HERC3: variants seen among roughly 807,000 people sequenced by gnomAD.
The protein encoded by HERC3 is HECT and RLD domain containing E3 ubiquitin protein ligase 3, also known as probable E3 ubiquitin-protein ligase HERC3.
A neutral mutation model predicts 129.9 loss-of-function variants in HERC3; 58 were observed. That is an observed-to-expected ratio of 0.45 (90% CI 0.36 to 0.56). The LOEUF (loss-of-function observed/expected upper bound fraction) is 0.56. Among genes scored for constraint, HERC3 ranks in the 20% least tolerant of loss-of-function variants. The pLI is 0.00. For missense variants in HERC3, 835 were observed against 1,244.2 expected, an observed-to-expected ratio of 0.67 and a Z score of 4.95; for synonymous variants, 430 against 451.0, an observed-to-expected ratio of 0.95 and a Z score of 0.59.
chr4:88,638,396 G>A (rs777184266), intron 3 of HERC3, among the ~76,000 whole-genome samples: 14 of 152,174 alleles, frequency 9.2e-5, no homozygotes, highest in Non-Finnish European at 1.6e-4. Flanking sequence ...TATTTACCAC[G>A]ATCAAGTCAG....
chr4:88,621,055 G>A (rs887452922), intron 3 of HERC3, among the ~76,000 whole-genome samples: 4 of 152,090 alleles, frequency 2.6e-5, no homozygotes, highest in Admixed American at 6.5e-5. Context: ...TAAGGGCATT[G>A]TTTTGTATCC....
chr4:88,561,288 G>A, the HERC3 span, among the ~76,000 whole-genome samples: 1 of 151,948 alleles, frequency 6.6e-6, no homozygotes, highest in Admixed American at 6.6e-5. Context: ...GAGCATAATG[G>A]GAACCTGTGC....
At chr4:88,630,023 A>G (rs1297870774) in intron 3 of HERC3, among the ~76,000 whole-genome samples, 2 of 152,210 alleles carry the variant, frequency 1.3e-5, no homozygotes, top group African/African-American at 4.8e-5. Flanking sequence ...AGCTCTAAGT[A>G]GGCAGAATAG....
At chr4:88,690,790 T>C (rs114953702) in intron 23 of HERC3, 2,448 of 166,276 alleles carry the variant, frequency 0.015, 62 homozygotes, top group African/African-American at 0.056. Flanking sequence ...TTTCTCCATT[T>C]CTCTCTCCCT....
At chr4:88,646,294 A>C (rs959580352) in intron 3 of HERC3, among the ~76,000 whole-genome samples, 1 of 152,170 alleles carries the variant, frequency 6.6e-6, no homozygotes, top group Non-Finnish European at 1.5e-5. Context: ...TTAACTCAAA[A>C]AACATTAAAA....
chr4:88,611,253 C>T (rs1415073067), intron 3 of HERC3, among the ~76,000 whole-genome samples: 1 of 152,148 alleles, frequency 6.6e-6, no homozygotes, highest in Non-Finnish European at 1.5e-5. Flanking sequence ...TAGGTGTGTT[C>T]TAAATCTGGA....
intron 12 of HERC3, among the ~76,000 whole-genome samples, chr4:88,666,085 C>T (rs766298257): frequency 2.0e-5 from 3 of 152,194 alleles, no homozygotes; most frequent in Admixed American, 6.5e-5. Flanking sequence ...GTCAATAGTA[C>T]CAAGGTTGAG....
intron 14 of HERC3, 59 bp downstream of exon 14, chr4:88,668,140 T>C (rs1264436023): frequency 1.5e-6 from 2 of 1,330,074 alleles, no homozygotes; most frequent in Non-Finnish European, 2.1e-6. Context: ...TTGGTGTGAC[T>C]CCTGGCTCTC....
intron 2 of HERC3, among the ~76,000 whole-genome samples, chr4:88,602,055 CAAAA>C (rs1266941147): frequency 2.3e-5 from 1 of 43,872 alleles, no homozygotes. Context: ...GACTCCGTCT[CAAAA>C]AAAAAAAAAA....
rs1729750030 is a variant in HERC3 at position 88,655,203 on chromosome 4, T to C, written c.807T>C (p.Gly269=). The change falls in exon 8 of 26, where the codon GGT becomes GGC. Residue 269 remains glycine (G), a synonymous_variant. Transcript: ENST00000402738. ...GAGGTGTGTTTACCTTTGGCGCTGG[T>C]TCCTGTGGGCAACTTGGACACGACT... ...KSGGVFTFGA[G]SCGQLGHDSM... is the part of the protein sequence containing the mutation. 1 of 1,613,988 alleles carries C rather than the reference T, an allele frequency of 6.2e-7. No individual in the cohort carries two copies. The highest frequency in any genetic ancestry group is 2.2e-5 in the East Asian group (1 of 44,872).
rs1735870975 is a variant in HERC3, at chr4:88,707,426, T to TG, written c.*467dup. 1.3e-5 allele frequency: 2 copies of TG among 155,800 alleles called. No homozygotes were observed. Among genetic ancestry groups the TG allele is most frequent in the Admixed American group, 1.3e-4 (2 of 15,854 alleles). 9.7% of individuals were successfully genotyped at this position (155,800 alleles called of 1,614,324 possible). A position where few individuals can be genotyped will look rare whatever the true frequency, so the allele number is the denominator to read the frequency against. ...CGCATGCGAGAACATCACCTTCCTC[T>TG]GTACACTTGGAAATGCCTCTGGCTT... On this transcript the variant is annotated 3_prime_UTR_variant, in exon 26 of 26. Transcript: ENST00000402738.
intron 3 of HERC3, among the ~76,000 whole-genome samples, chr4:88,629,377 G>C (rs1349173611): frequency 6.6e-6 from 1 of 152,050 alleles, no homozygotes; most frequent in East Asian, 1.9e-4. Flanking sequence ...CATATCAGAA[G>C]TACCACTTTA....
intron 3 of HERC3, among the ~76,000 whole-genome samples, chr4:88,636,192 A>G (rs1370464649): frequency 2.0e-5 from 3 of 152,232 alleles, no homozygotes; most frequent in Admixed American, 6.5e-5. Context: ...CAATTAAAAG[A>G]TATAGACTGG....
chr4:88,604,425 A>G (rs559432740), intron 2 of HERC3, among the ~76,000 whole-genome samples: 1 of 152,154 alleles, frequency 6.6e-6, no homozygotes, highest in African/African-American at 2.4e-5. Flanking sequence ...CACTTTCCAA[A>G]AGGGCAGGTA....
intron 3 of HERC3, among the ~76,000 whole-genome samples, chr4:88,649,403 GGT>G (rs1387051576): frequency 1.3e-5 from 2 of 152,124 alleles, no homozygotes; most frequent in Non-Finnish European, 2.9e-5. Flanking sequence ...TAGCATTCTG[GGT>G]GTGTTTGTAT....
intron 1 of HERC3, among the ~76,000 whole-genome samples, chr4:88,593,880 T>C (rs1578127880): frequency 6.6e-6 from 1 of 152,206 alleles, no homozygotes; most frequent in South Asian, 2.1e-4. Flanking sequence ...TACTTTCCTT[T>C]ACCCTGGGGG....
intron 3 of HERC3, among the ~76,000 whole-genome samples, chr4:88,642,893 T>C (rs1236837881): frequency 8.1e-6 from 1 of 122,706 alleles, no homozygotes; most frequent in African/African-American, 3.2e-5. Flanking sequence ...GCCAGTGTAA[T>C]AAGGAAAGAA....
At chr4:88,673,958 C>T (rs1055929299) in intron 16 of HERC3, among the ~76,000 whole-genome samples, 3 of 152,200 alleles carry the variant, frequency 2.0e-5, no homozygotes, top group Non-Finnish European at 2.9e-5. Flanking sequence ...CTTCTCTAGA[C>T]CACCAGCTCT....
chr4:88,615,608 G>A (rs1391711271), intron 3 of HERC3, among the ~76,000 whole-genome samples: 1 of 152,158 alleles, frequency 6.6e-6, no homozygotes, highest in Non-Finnish European at 1.5e-5. Flanking sequence ...CTAGCTGTGT[G>A]ACTTGGAGAA....
Sources: gnomAD v4.1 joint callset for allele counts (sites outside exome capture counted in the v4.1 genomes callset) on GRCh38, gnomAD v4.1.1 for gene constraint, MANE v1.5 for transcripts, NCBI Gene and HGNC (gene_info 2026-07-23, HGNC 2026-07-21) for gene names.